The following SELENON variants were observed in gnomAD, a reference collection of about 807,000 sequenced individuals.
SELENON encodes the protein selenoprotein N.
In SELENON, 44 loss-of-function variants were observed where a neutral mutation model predicts 59.5. The ratio of observed to expected loss-of-function variants is 0.74; its 90% CI spans 0.58 to 0.95. SELENON has a LOEUF of 0.95. Among genes scored for constraint, SELENON ranks in the 40% least tolerant of loss-of-function variants. The pLI is 0.00. For missense variants in SELENON, 674 were observed against 721.4 expected (o/e 0.93, Z 0.75); for synonymous variants, 320 against 305.6 (o/e 1.05, Z -0.49).
chr1:25,805,265 G>T lies in SELENON; in HGVS notation c.527G>T (p.Gly176Val). ...GAGACCATGACCAAGAGCAAAGATG[G>T]CTTCCTAGGGGTGAGTTGGGGACCA... Residue 176 changes from glycine to valine, a missense_variant, in exon 4 of 13, where the codon GGC becomes GTC. By Grantham distance (109) the Gly-to-Val change is moderately radical. Coordinates refer to ENST00000361547, the MANE Select transcript of SELENON (RefSeq NM_020451.3). 6.2e-7 allele frequency: 1 copy of T among 1,614,066 alleles called. No homozygotes were observed. The highest frequency in any genetic ancestry group is 8.5e-7 in the Non-Finnish European group (1 of 1,180,006).
At chr1:25,800,637 A>G (rs1321895687) in intron 1 of SELENON, among the ~76,000 whole-genome samples, 1 of 151,836 alleles carries the variant, frequency 6.6e-6, no homozygotes, top group Non-Finnish European at 1.5e-5. Flanking sequence ...TGGGGCTGGG[A>G]CAGACTGGAG....
intron 3 of SELENON, among the ~76,000 whole-genome samples, chr1:25,803,007 G>A (rs1033737026): frequency 4.6e-5 from 7 of 152,102 alleles, no homozygotes; most frequent in African/African-American, 9.7e-5. Flanking sequence ...GTGCTGGCCC[G>A]GTGACCTGTG....
chr1:25,805,003 G>T (rs921956977), intron 3 of SELENON, 139 bp from the exon 3 acceptor site: 90 of 1,032,956 alleles, frequency 8.7e-5, no homozygotes, highest in Admixed American at 1.5e-4. Flanking sequence ...TACACTGGTT[G>T]TTACTTTGGT....
rs531064633 is a variant in SELENON at position 25,807,447 on chromosome 1, G to T, written c.538-1133G>T. 2.1e-4 allele frequency among the ~76,000 whole-genome samples: 32 copies of T among 152,320 alleles called. No individual in the cohort carries two copies. Among genetic ancestry groups the T allele is most frequent in the African/African-American group, 7.5e-4 (31 of 41,562 alleles). On this transcript the variant is annotated intron_variant, in intron 4 of 12. Transcript: ENST00000361547. This position sits in a 1 kb window ranked among gnomAD's most constrained non-coding sequence, Gnocchi z 4.5. ...CTGACCTTCCACAAAAGGAGATGGG[G>T]AACCCATCTCCATGGATTTGGCAGT...
rs934287390 is a variant in SELENON at position 25,808,633 on chromosome 1, A to T, written c.591A>T (p.Pro197=). 5 of 1,613,604 alleles carry T rather than the reference A, an allele frequency of 3.1e-6. No individual in the cohort carries two copies. Among genetic ancestry groups the T allele is most frequent in the Non-Finnish European group, 4.2e-6 (5 of 1,179,888 alleles). Residue 197 remains proline (P), a synonymous_variant, in exon 5 of 13, where the codon CCA becomes CCT. Transcript: ENST00000361547. ...GAAACTGGACAGCCGCCGCCTCACC[A>T]AGTGCAGTGTTTGCCACCCGCCACT...
In SELENON at chr1:25,800,355, C is replaced by G. The variant is rs2047850161; in HGVS notation, c.125C>G (p.Ala42Gly). Residue 42 changes from alanine to glycine, a missense_variant, in exon 1 of 13, where the codon GCT (alanine) becomes GGT (glycine). Physicochemically the swap from Ala to Gly is moderately conservative, Grantham distance 60. Transcript: ENST00000361547. ...CTCGGAGCCCTGCTGGCCGCCGCCG[C>G]TGCCGCCGCCGTCCGGGTCTGCGCC... The G allele has an allele frequency of 1.9e-6, 2 of 1,053,352 alleles. No individual in the cohort carries two copies. The highest frequency in any genetic ancestry group is 1.5e-4 in the East Asian group (2 of 13,440). 65.3% of individuals were successfully genotyped at this position (1,053,352 alleles called of 1,614,324 possible).
chr1:25,811,893 G>GGGGTGAAGGCC lies in SELENON; in HGVS notation c.1281+15_1281+25dup, dbSNP rs1402844279. 2.4e-5 allele frequency: 38 copies of GGGGTGAAGGCC among 1,554,362 alleles called. No homozygotes were observed. The highest frequency in any genetic ancestry group is 3.3e-5 in the Non-Finnish European group (38 of 1,149,412). ...CCCTTCAAGAAGGTGAGGCTGGGCAGGGGTGAAGGCCAGGGTCAGGCTGCA... is the reference window on the plus strand; with the variant it reads ...CCCTTCAAGAAGGTGAGGCTGGGCAGGGGTGAAGGCCGGGTGAAGGCCAGGGTCAGGCTGCA... On this transcript the variant is annotated intron_variant, in intron 9 of 12. Transcript: ENST00000361547.
intron 7 of SELENON, among the ~76,000 whole-genome samples, chr1:25,811,065 T>A (rs2047955083): frequency 6.6e-6 from 1 of 152,232 alleles, no homozygotes; most frequent in South Asian, 2.1e-4. Flanking sequence ...GATTTCCTGC[T>A]GCCCGCCAGA....
In SELENON at chr1:25,812,707, T is replaced by G. The variant is rs1360564461; in HGVS notation, c.1302T>G (p.Thr434=). 1 of 1,612,314 alleles carries G rather than the reference T, an allele frequency of 6.2e-7. No individual in the cohort carries two copies. The highest frequency in any genetic ancestry group is 8.5e-7 in the Non-Finnish European group (1 of 1,179,720). ...CCCAGGTCTCCTACTTGCCGTTCAC[T>G]GAGGCCTTCGACCGAGCCAAGGCTG... is the stretch of plus-strand genomic sequence containing the variant. Residue 434 remains threonine, a synonymous_variant, in exon 10 of 13, where the codon ACT becomes ACG. Transcript: ENST00000361547.
intron 12 of SELENON, among the ~76,000 whole-genome samples, chr1:25,815,020 G>C (rs1269509926): frequency 3.3e-5 from 5 of 151,720 alleles, no homozygotes; most frequent in Non-Finnish European, 7.4e-5. Context: ...GGGCCTGGTT[G>C]GGAGAACCAG....
At position 25,811,554 on chromosome 1, in the gene SELENON, C is replaced by A; in HGVS notation, c.1092+19C>A. 6.2e-7 allele frequency: 1 copy of A among 1,613,142 alleles called. No individual in the cohort carries two copies. Among genetic ancestry groups the A allele is most frequent in the Non-Finnish European group, 8.5e-7 (1 of 1,179,190 alleles). On this transcript the variant is annotated intron_variant, in intron 8 of 12. Transcript: ENST00000361547. Reference sequence around the variant, plus strand: ...ACCCCAGGTGAGCGCACAGGAGGCTCCCATCCAGGTGGGCTCGGCTGCAGG... The same window carrying A: ...ACCCCAGGTGAGCGCACAGGAGGCTACCATCCAGGTGGGCTCGGCTGCAGG...
Position 25,818,151 on chromosome 1 carries a change from GCCCTGTCACTCCTCTAACACTTCCCTC to G in SELENON, c.*2441_*2467del, listed in dbSNP as rs2048030241. 3 of 152,518 alleles carry G rather than the reference GCCCTGTCACTCCTCTAACACTTCCCTC, an allele frequency of 2.0e-5. No homozygotes were observed. The East Asian group carries it at 5.8e-4, about 29-fold the overall frequency. 9.4% of individuals were successfully genotyped at this position (152,518 alleles called of 1,614,324 possible). A position where few individuals can be genotyped will look rare whatever the true frequency, so the allele number is the denominator to read the frequency against. The stretch of plus-strand genomic sequence containing the variant: ...TCAGGGTGGGAGAGGGCCCCGGGCT[GCCCTGTCACTCCTCTAACACTTCCCTC>G]CCCTGTCCCCAACATGCCCTGTAAT... On this transcript the variant is annotated 3_prime_UTR_variant, in exon 13 of 13. Transcript: ENST00000361547.
chr1:25,814,783 C>T (rs1234323720), intron 12 of SELENON, among the ~76,000 whole-genome samples: 1 of 152,162 alleles, frequency 6.6e-6, no homozygotes, highest in Non-Finnish European at 1.5e-5. Flanking sequence ...CTGATCAAAG[C>T]GACCCCTCAT....
rs866910027 is a variant in SELENON at position 25,809,962 on chromosome 1, G to A, written c.1010+142G>A. 10 of 1,028,454 alleles carry A rather than the reference G, an allele frequency of 9.7e-6. No homozygotes were observed. The African/African-American group carries it at 1.4e-4, about 15-fold the overall frequency. 63.7% of individuals were successfully genotyped at this position (1,028,454 alleles called of 1,614,324 possible). A position where few individuals can be genotyped will look rare whatever the true frequency, so the allele number is the denominator to read the frequency against. On this transcript the variant is annotated intron_variant, in intron 7 of 12. Transcript: ENST00000361547. ...ATCTCATGGGGCTGACGTGGCAGGAGGCGGCATGAGGCAGGCAAGAGAATG... is the reference window on the plus strand; with the variant it reads ...ATCTCATGGGGCTGACGTGGCAGGAAGCGGCATGAGGCAGGCAAGAGAATG...
Position 25,812,599 on chromosome 1 carries a change from ACACAC to A in SELENON, c.1282-87_1282-83del, listed in dbSNP as rs1175148783. 36 of 833,718 alleles carry A rather than the reference ACACAC, an allele frequency of 4.3e-5. No individual in the cohort carries two copies. In the African/African-American group the frequency reaches 6.2e-4, roughly 14 times the overall value. 51.6% of individuals were successfully genotyped at this position (833,718 alleles called of 1,614,324 possible). ...CACACACACACACACACACACACAC[ACACAC>A]ACTTGCACACACTACAGACTCAGCC... On this transcript the variant is annotated intron_variant, in intron 9 of 12. Coordinates refer to ENST00000361547, the MANE Select transcript of SELENON (RefSeq NM_020451.3).
At position 25,807,335 on chromosome 1, in the gene SELENON, G is replaced by C. The variant is rs1572231613; in HGVS notation, c.538-1245G>C. ...CAGTAGGTGCATAAAACATTTTGTG[G>C]AATGAACAAATGAATAAACGTGTTC... On this transcript the variant is annotated intron_variant, in intron 4 of 12. Coordinates refer to ENST00000361547, the MANE Select transcript of SELENON (RefSeq NM_020451.3). This position sits in a 1 kb window ranked among gnomAD's most constrained non-coding sequence, Gnocchi z 4.5. Among the ~76,000 whole-genome samples, 1 of 152,188 alleles carries C rather than the reference G, an allele frequency of 6.6e-6. No homozygotes were observed. Among genetic ancestry groups the C allele is most frequent in the African/African-American group, 2.4e-5 (1 of 41,446 alleles).
rs1428759164 is a variant in SELENON at position 25,813,503 on chromosome 1, G to A, written c.1388-378G>A. 1.9e-5 allele frequency: 7 copies of A among 368,308 alleles called. No homozygotes were observed. In the East Asian group the frequency reaches 5.0e-4, roughly 27 times the overall value. The allele number at this position is 368,308 out of a possible 1,614,324, so 22.8% of individuals were successfully genotyped here. ...TGGGGGTCAGGGAAGGCTTTGTGAA[G>A]ACAGTGATATTTACGCTGAGACTTT... On this transcript the variant is annotated intron_variant, in intron 10 of 12. Transcript: ENST00000361547.
At chr1:25,809,251 TC>T in intron 6 of SELENON, 101 bp downstream of exon 5, 1 of 1,542,212 alleles carries the variant, frequency 6.5e-7, no homozygotes, top group Non-Finnish European at 8.8e-7. Flanking sequence ...CCACCTCTCC[TC>T]CCACTGCCGT....
In SELENON at chr1:25,800,251, C is replaced by T; in HGVS notation, c.21C>T (p.Gly7=). The T allele has an allele frequency of 1.1e-6, 1 of 906,534 alleles. No homozygotes were observed. Among genetic ancestry groups the T allele is most frequent in the Non-Finnish European group, 1.3e-6 (1 of 760,562 alleles). 56.2% of individuals were successfully genotyped at this position (906,534 alleles called of 1,614,324 possible). A position where few individuals can be genotyped will look rare whatever the true frequency, so the allele number is the denominator to read the frequency against. ...CAGCCATGGGCCGGGCCCGGCCGGG[C>T]CAACGCGGGCCGCCCAGCCCCGGCC... Residue 7 remains glycine (G), a synonymous_variant, in exon 1 of 13, where the codon GGC becomes GGT. Transcript: ENST00000361547.
Sources: gnomAD v4.1 joint callset for allele counts (sites outside exome capture counted in the v4.1 genomes callset) on GRCh38, gnomAD v4.1.1 for gene constraint, Gnocchi (gnomAD v3.1) non-coding constraint, MANE v1.5 for transcripts, NCBI Gene and HGNC (gene_info 2026-07-23, HGNC 2026-07-21) for gene names.